Variants in ADRM1 observed in about 807,000 individuals in gnomAD.
ADRM1 encodes ADRM1 26S proteasome ubiquitin receptor.
ADRM1 carries 2 observed loss-of-function variants against 40.1 expected under a neutral mutation model. The ratio of observed to expected loss-of-function variants is 0.05; its 90% CI spans 0.02 to 0.16. The LOEUF (loss-of-function observed/expected upper bound fraction) is 0.16. Among genes scored for constraint, ADRM1 ranks in the 10% least tolerant of loss-of-function variants. The probability of loss-of-function intolerance (pLI) is 1.00; values close to 1 mark genes in which losing one functional copy is unlikely to be tolerated. For missense variants in ADRM1, 467 were observed against 552.5 expected, an observed-to-expected ratio of 0.85 and a Z score of 1.55; for synonymous variants, 287 against 240.4, an observed-to-expected ratio of 1.19 and a Z score of -1.79.
Position 62,307,716 on chromosome 20 carries a change from C to G in ADRM1, c.744C>G (p.Ser248=), listed in dbSNP as rs377624403. Residue 248 remains serine, a synonymous_variant, in exon 7 of 10, where the codon TCC becomes TCG. Coordinates refer to ENST00000253003, the MANE Select transcript of ADRM1 (RefSeq NM_007002.4). ...SATSPSPAPS[S]GNGASTAASP... is the part of the protein sequence containing the mutation. ...CTAGCCCGAGCCCCGCGCCCAGTTC[C>G]GGGAATGGAGCCAGCACAGCAGCCA... 6.2e-7 allele frequency: 1 copy of G among 1,612,108 alleles called. No homozygotes were observed. The highest frequency in any genetic ancestry group is 8.5e-7 in the Non-Finnish European group (1 of 1,179,804).
At chr20:62,304,122 C>G in intron 2 of ADRM1, 2 of 481,808 alleles carry the variant, frequency 4.2e-6, no homozygotes, top group Non-Finnish European at 7.5e-6. Flanking sequence ...ACTCAGTCTT[C>G]TTTGTTTTTC....
At chr20:62,305,040 C>G (rs565033669) in intron 3 of ADRM1, among the ~76,000 whole-genome samples, 5 of 152,246 alleles carry the variant, frequency 3.3e-5, no homozygotes, top group Admixed American at 2.0e-4. Context: ...TTTCTCTTAC[C>G]CACAGCTGCA....
chr20:62,303,369 G>T (rs1984396962), intron 1 of ADRM1, 199 bp from the exon 2 acceptor site: 13 of 544,238 alleles, frequency 2.4e-5, no homozygotes, highest in Non-Finnish European at 2.9e-5. Flanking sequence ...TGGCGGGGCT[G>T]CCCCGGCCCA....
chr20:62,303,442 G>C (rs1302187380), intron 1 of ADRM1, 126 bp from the exon 2 acceptor site: 15 of 953,524 alleles, frequency 1.6e-5, no homozygotes, highest in Non-Finnish European at 2.2e-5. Flanking sequence ...AGCCCGGCGT[G>C]TCTGAGTCTG....
chr20:62,304,370 C>T, intron 2 of ADRM1, 91 bp from the exon 3 acceptor site: 1 of 1,125,368 alleles, frequency 8.9e-7, no homozygotes, highest in East Asian at 2.6e-5. Flanking sequence ...CGCACCCCAC[C>T]CGGTTAGACC....
At chr20:62,307,931 C>A in intron 7 of ADRM1, 90 bp from the exon 8 acceptor site, 1 of 1,549,676 alleles carries the variant, frequency 6.5e-7, no homozygotes, top group Non-Finnish European at 8.7e-7. Context: ...GCCTGGGGTG[C>A]TGGGGCCATG....
rs1247457882 is a variant in ADRM1 at position 62,308,837 on chromosome 20, A to T, written c.*76A>T. On this transcript the variant is annotated 3_prime_UTR_variant, in exon 10 of 10. Coordinates refer to ENST00000253003, the MANE Select transcript of ADRM1 (RefSeq NM_007002.4). ...CTCACCTCCCACCCACTGATTATTA[A>T]TAAAGTCTTTTCTTTTACCTGCCAA... 3.2e-6 allele frequency: 5 copies of T among 1,553,656 alleles called. No homozygotes were observed. Among genetic ancestry groups the T allele is most frequent in the South Asian group, 1.2e-5 (1 of 83,534 alleles).
At position 62,307,584 on chromosome 20, in the gene ADRM1, C is replaced by G. The variant is rs1317785601; in HGVS notation, c.624-12C>G. 3 of 1,608,662 alleles carry G rather than the reference C, an allele frequency of 1.9e-6. No homozygotes were observed. The highest frequency in any genetic ancestry group is 1.7e-4 in the Middle Eastern group (1 of 6,056). On this transcript the variant is annotated splice_polypyrimidine_tract_variant and intron_variant, in intron 6 of 9. Coordinates refer to ENST00000253003, the MANE Select transcript of ADRM1 (RefSeq NM_007002.4). ...GGCGTGTCCGCTCCAGCGGTGCCCT[C>G]TCTCTTCGCAGCTCCCGGAGCCAGT...
intron 4 of ADRM1, 61 bp from the exon 5 acceptor site, chr20:62,306,587 T>C (rs2427274): frequency 0.99 from 1,485,912 of 1,498,574 alleles, 737,457 homozygotes; most frequent in East Asian, 1. Context: ...GCGCAGGCAG[T>C]GCGGTGGGGC....
intron 9 of ADRM1, 87 bp downstream of exon 9, chr20:62,308,557 G>C: frequency 1.3e-6 from 2 of 1,560,210 alleles, no homozygotes; most frequent in Non-Finnish European, 1.7e-6. Context: ...GGGGCTGAGG[G>C]GGTAAAGGTC....
chr20:62,307,539 G>C (rs764931075), intron 6 of ADRM1, 57 bp from the exon 7 acceptor site: 3 of 1,599,532 alleles, frequency 1.9e-6, no homozygotes, highest in East Asian at 2.2e-5. Context: ...TGGACCCTGC[G>C]AGTAGGCCCT....
intron 2 of ADRM1, 88 bp from the exon 3 acceptor site, chr20:62,304,373 G>C (rs1010842249): frequency 1.4e-5 from 16 of 1,179,656 alleles, no homozygotes; most frequent in Non-Finnish European, 1.9e-5. Flanking sequence ...ACCCCACCCG[G>C]TTAGACCCAG....
At position 62,308,111 on chromosome 20, in the gene ADRM1, C is replaced by G; in HGVS notation, c.947C>G (p.Ser316Cys). ...VQERLLPYLP[S>C]GESLPQTADE... is the part of the protein sequence containing the mutation. ...GAGCGCCTGCTTCCCTACTTGCCAT[C>G]TGGGGAGTCGCTGCCGCAGACCGCG... The change falls in exon 8 of 10, where the codon TCT becomes TGT. Residue 316 changes from serine to cysteine, a missense_variant. Around this residue, in one of 3 missense-constraint regions of ADRM1, gnomAD observed 418 missense variants for 474.6 expected, o/e 0.88. Coordinates refer to ENST00000253003, the MANE Select transcript of ADRM1 (RefSeq NM_007002.4). 2 of 1,611,216 alleles carry G rather than the reference C, an allele frequency of 1.2e-6. No individual in the cohort carries two copies. The highest frequency in any genetic ancestry group is 1.7e-6 in the Non-Finnish European group (2 of 1,179,874).
In ADRM1 at chr20:62,304,537, A is replaced by G; in HGVS notation, c.290A>G (p.Lys97Arg). 6.2e-7 allele frequency: 1 copy of G among 1,614,010 alleles called. No individual in the cohort carries two copies. The part of the protein sequence containing the change: ...QCPSGRVYVL[K>R]FKAGSKRLFF... ...CCCAGCGGGAGGGTCTACGTGCTGA[A>G]GTTCAAGGCAGGGTCCAAGCGGCTT... The change falls in exon 3 of 10, where the codon AAG (lysine) becomes AGG (arginine). Residue 97 changes from lysine to arginine, a missense_variant. Physicochemically the swap from Lys to Arg is conservative, Grantham distance 26. Transcript: ENST00000253003.
chr20:62,306,863 G>GT, intron 5 of ADRM1, 129 bp downstream of exon 5: 1 of 948,216 alleles, frequency 1.1e-6, no homozygotes. Flanking sequence ...CCGCAAGCTG[G>GT]TTCCCCTTTG....
At position 62,307,736 on chromosome 20, in the gene ADRM1, C is replaced by G. The variant is rs1372746753; in HGVS notation, c.764C>G (p.Ala255Gly). 6.2e-7 allele frequency: 1 copy of G among 1,612,046 alleles called. No individual in the cohort carries two copies. Among genetic ancestry groups the G allele is most frequent in the South Asian group, 1.1e-5 (1 of 91,050 alleles). Reference protein sequence around the residue: ...APSSGNGASTAASPTQPIQLS... With the variant: ...APSSGNGASTGASPTQPIQLS... ...AGTTCCGGGAATGGAGCCAGCACAGCAGCCAGCCCGACCCAGCCCATCCAG... is the reference window on the plus strand; with the variant it reads ...AGTTCCGGGAATGGAGCCAGCACAGGAGCCAGCCCGACCCAGCCCATCCAG... Residue 255 changes from alanine to glycine, a missense_variant, in exon 7 of 10, where the codon GCA (alanine) becomes GGA (glycine). By Grantham distance (60) the Ala-to-Gly change is moderately conservative. This residue lies in a region of ADRM1 where 418 missense variants were observed against 474.6 expected (regional missense o/e 0.88). Coordinates refer to ENST00000253003, the MANE Select transcript of ADRM1 (RefSeq NM_007002.4).
At chr20:62,305,434 A>C (rs1054000637) in intron 3 of ADRM1, 1 of 152,274 alleles carries the variant, frequency 6.6e-6, no homozygotes, top group Non-Finnish European at 1.5e-5. Flanking sequence ...GGCATAGCCA[A>C]ACTCCAGTTA....
At position 62,303,054 on chromosome 20, in the gene ADRM1, G is replaced by T. The variant is rs965066418; in HGVS notation, c.-2+5G>T. ...ACGAGTGTGGGCGCGAGGCAGGTGC[G>T]GGAGTCGCCGGGCCTGGGGCGGCCG... is the stretch of plus-strand genomic sequence containing the variant. On this transcript the variant is annotated splice_donor_5th_base_variant and intron_variant, in intron 1 of 9. Transcript: ENST00000253003. 3 of 151,958 alleles carry T rather than the reference G, an allele frequency of 2.0e-5. No individual in the cohort carries two copies. Among genetic ancestry groups the T allele is most frequent in the African/African-American group, 7.3e-5 (3 of 41,372 alleles). 9.4% of individuals were successfully genotyped at this position (151,958 alleles called of 1,614,324 possible).
rs1188537972 is a variant in ADRM1 at position 62,308,418 on chromosome 20, C to T, written c.1065C>T (p.Leu355=). Reference sequence around the variant, plus strand: ...TGGCCTCGGGGCAGCTGGGCCCCCTCATGTGCCAGTTCGGTCTGCCTGCAG... The same window carrying T: ...TGGCCTCGGGGCAGCTGGGCCCCCTTATGTGCCAGTTCGGTCTGCCTGCAG... ...AALASGQLGP[L]MCQFGLPAEA... The change falls in exon 9 of 10, where the codon CTC becomes CTT. Residue 355 remains leucine, a synonymous_variant. Transcript: ENST00000253003. 1 of 1,609,844 alleles carries T rather than the reference C, an allele frequency of 6.2e-7. No individual in the cohort carries two copies. Among genetic ancestry groups the T allele is most frequent in the African/African-American group, 1.3e-5 (1 of 74,918 alleles).
Sources: allele counts gnomAD v4.1 joint callset (sites outside exome capture counted in the v4.1 genomes callset), GRCh38; gene constraint gnomAD v4.1.1; regional missense constraint gnomAD v4.1.1; transcripts MANE v1.5; gene names NCBI Gene and HGNC (gene_info 2026-07-23, HGNC 2026-07-21).